KIZ: variants seen among roughly 807,000 people sequenced by gnomAD.
KIZ encodes centrosomal protein kizuna.
In KIZ, 68 loss-of-function variants were observed where a neutral mutation model predicts 79.6. That is an observed-to-expected ratio of 0.85 (90% CI 0.70 to 1.05). The LOEUF is 1.05. Among genes scored for constraint, KIZ ranks in the 50% least tolerant of loss-of-function variants. The pLI is 0.00. For missense variants in KIZ, 797 were observed against 800.4 expected (o/e 1.00, Z 0.05); for synonymous variants, 280 against 281.8 (o/e 0.99, Z 0.06).
At chr20:21,243,998 G>A (rs2037306594) in intron 11 of KIZ, among the ~76,000 whole-genome samples, 1 of 152,126 alleles carries the variant, frequency 6.6e-6, no homozygotes, top group South Asian at 2.1e-4. Context: ...CAGCAGGGCG[G>A]GGTGGGCCAT....
At chr20:21,137,664 G>T (rs2032275099) in intron 3 of KIZ, among the ~76,000 whole-genome samples, 1 of 151,716 alleles carries the variant, frequency 6.6e-6, no homozygotes, top group Non-Finnish European at 1.5e-5. Context: ...TTGAAAGTCT[G>T]CTGCAGGCAT....
chr20:21,240,459 T>G (rs1332340812), intron 11 of KIZ, among the ~76,000 whole-genome samples: 1 of 152,242 alleles, frequency 6.6e-6, no homozygotes, highest in Admixed American at 6.5e-5. Flanking sequence ...GGTTATATTT[T>G]AATTTACTCA....
intron 6 of KIZ, among the ~76,000 whole-genome samples, chr20:21,191,188 A>G (rs117334274): frequency 0.018 from 2,692 of 152,358 alleles, 30 homozygotes; most frequent in Middle Eastern, 0.054. Context: ...GTTACTAGGT[A>G]TCCATCTCAT....
chr20:21,221,498 T>C (rs1431356776), intron 9 of KIZ, among the ~76,000 whole-genome samples: 1 of 152,216 alleles, frequency 6.6e-6, no homozygotes, highest in East Asian at 1.9e-4. Context: ...GGCTCTCAGC[T>C]TTTATCTCAA....
chr20:21,164,204 A>G (rs1043986704), intron 6 of KIZ, among the ~76,000 whole-genome samples: 2 of 152,202 alleles, frequency 1.3e-5, no homozygotes, highest in African/African-American at 2.4e-5. Context: ...TTAGAACACC[A>G]TTGTACCTTT....
rs574774516 is a variant in KIZ at position 21,236,915 on chromosome 20, G to A, written c.1880+4085G>A. 4.4e-4 allele frequency among the ~76,000 whole-genome samples: 67 copies of A among 151,000 alleles called. No individual in the cohort carries two copies. In the South Asian group the frequency reaches 9.0e-3, roughly 20 times the overall value. On this transcript the variant is annotated intron_variant, in intron 11 of 12. Transcript: ENST00000619189. Reference sequence around the variant, plus strand: ...CTTGGGAGGATGAGGCAGGAGAATCGCATAAACCTGGGAGGCAGAACTTGC... The same window carrying A: ...CTTGGGAGGATGAGGCAGGAGAATCACATAAACCTGGGAGGCAGAACTTGC...
chr20:21,142,813 A>ATAAATAAG (rs1244317774), intron 3 of KIZ, among the ~76,000 whole-genome samples: 1 of 151,802 alleles, frequency 6.6e-6, no homozygotes, highest in Non-Finnish European at 1.5e-5. Context: ...AAATAAATAA[A>ATAAATAAG]TAAAGTAAAA....
upstream of KIZ, chr20:21,126,075 G>GT: frequency 6.8e-7 from 1 of 1,474,372 alleles, no homozygotes; most frequent in East Asian, 2.9e-5. Context: ...CGGCCGAACG[G>GT]CCACCCAGAG....
chr20:21,180,760 A>G (rs923189826), intron 6 of KIZ, among the ~76,000 whole-genome samples: 1 of 152,198 alleles, frequency 6.6e-6, no homozygotes, highest in East Asian at 1.9e-4. Flanking sequence ...CAGGCCAGGT[A>G]TAGGTACTCC....
Position 21,161,920 on chromosome 20 carries a change from T to G in KIZ, c.455T>G (p.Leu152Trp). 1 of 1,613,534 alleles carries G rather than the reference T, an allele frequency of 6.2e-7. No homozygotes were observed. The highest frequency in any genetic ancestry group is 1.7e-5 in the Admixed American group (1 of 60,008). The part of the protein sequence containing the change: ...INSGTAMSRG[L>W]YQPATIFMGR... ...TCAGGAACAGCCATGTCAAGAGGAT[T>G]GTATCAACCAGCAACAATCTTTATG... The change falls in exon 5 of 13, where the codon TTG becomes TGG. Residue 152 changes from leucine to tryptophan, a missense_variant. Transcript: ENST00000619189.
At chr20:21,178,783 G>A (rs191070882) in intron 6 of KIZ, among the ~76,000 whole-genome samples, 4 of 152,226 alleles carry the variant, frequency 2.6e-5, no homozygotes, top group African/African-American at 9.6e-5. Flanking sequence ...TATTGGGAAG[G>A]GGTGTTGAAT....
intron 6 of KIZ, chr20:21,197,567 G>A (rs2035394676): frequency 6.6e-6 from 1 of 152,218 alleles, no homozygotes; most frequent in African/African-American, 2.4e-5. Flanking sequence ...TGTGGAACGA[G>A]ATTGCCCAGC....
intron 6 of KIZ, among the ~76,000 whole-genome samples, chr20:21,184,070 G>C (rs763706458): frequency 6.6e-6 from 1 of 151,980 alleles, no homozygotes; most frequent in Non-Finnish European, 1.5e-5. Flanking sequence ...GTAGTGGTTC[G>C]TCAGAATAAA....
At chr20:21,213,707 G>A (rs961284078) in intron 7 of KIZ, 9 of 152,198 alleles carry the variant, frequency 5.9e-5, no homozygotes, top group African/African-American at 2.2e-4. Flanking sequence ...TTAGGGGAAA[G>A]TACTGACCTG....
intron 11 of KIZ, among the ~76,000 whole-genome samples, chr20:21,239,975 A>G (rs1447471197): frequency 6.6e-6 from 1 of 152,160 alleles, no homozygotes; most frequent in Non-Finnish European, 1.5e-5. Flanking sequence ...AGATGTGATG[A>G]AGTCAGTACA....
At chr20:21,189,764 C>T (rs183230512) in intron 6 of KIZ, among the ~76,000 whole-genome samples, 5 of 152,268 alleles carry the variant, frequency 3.3e-5, no homozygotes, top group African/African-American at 9.6e-5. Context: ...AGAGAAGGAG[C>T]CCTTGTTTCC....
intron 9 of KIZ, among the ~76,000 whole-genome samples, chr20:21,216,612 A>G (rs1403067497): frequency 6.6e-6 from 1 of 152,196 alleles, no homozygotes; most frequent in Non-Finnish European, 1.5e-5. Context: ...CACCAATGAT[A>G]TGTTTATTGT....
chr20:21,238,474 T>C (rs2037107522), intron 11 of KIZ, among the ~76,000 whole-genome samples: 1 of 152,084 alleles, frequency 6.6e-6, no homozygotes, highest in African/African-American at 2.4e-5. Flanking sequence ...CCTCTGCTCA[T>C]GCATCCCCAG....
intron 4 of KIZ, among the ~76,000 whole-genome samples, chr20:21,153,416 A>G (rs138530780): frequency 9.2e-5 from 14 of 152,332 alleles, no homozygotes; most frequent in Admixed American, 9.2e-4. Context: ...TTTACAGAAT[A>G]CACCATTAAA....
Sources: allele counts gnomAD v4.1 joint callset (sites outside exome capture counted in the v4.1 genomes callset), GRCh38; gene constraint gnomAD v4.1.1; transcripts MANE v1.5; gene names NCBI Gene and HGNC (gene_info 2026-07-23, HGNC 2026-07-21).